The following C1QTNF3 variants were observed in gnomAD, a reference collection of about 807,000 sequenced individuals.
C1QTNF3 encodes the protein C1q and TNF related 3.
In C1QTNF3, 26 loss-of-function variants were observed where a neutral mutation model predicts 32.6. The ratio of observed to expected loss-of-function variants is 0.80; its 90% CI spans 0.58 to 1.11. The LOEUF is 1.11. Ranked by LOEUF, C1QTNF3 falls within the 50% of genes least tolerant of loss-of-function variation. C1QTNF3 has a pLI of 0.00. For missense variants in C1QTNF3, 362 were observed against 398.2 expected, an observed-to-expected ratio of 0.91 and a Z score of 0.77; for synonymous variants, 155 against 146.0, an observed-to-expected ratio of 1.06 and a Z score of -0.44.
chr5:34,075,469 G>T, the C1QTNF3 span, among the ~76,000 whole-genome samples: 1 of 151,694 alleles, frequency 6.6e-6, no homozygotes, highest in African/African-American at 2.4e-5. Context: ...GAAAGAAAAA[G>T]AATAGAGATG....
chr5:34,127,924 T>A, the C1QTNF3 span, among the ~76,000 whole-genome samples: 7 of 152,036 alleles, frequency 4.6e-5, no homozygotes. Context: ...GCTGGCTGCA[T>A]AAATTTGCAT....
At chr5:34,097,145 T>A in the C1QTNF3 span, among the ~76,000 whole-genome samples, 1 of 151,954 alleles carries the variant, frequency 6.6e-6, no homozygotes, top group Admixed American at 6.6e-5. Flanking sequence ...GAAGTTTTGA[T>A]CATCTGGTTT....
the C1QTNF3 span, among the ~76,000 whole-genome samples, chr5:34,223,349 T>C: frequency 6.6e-6 from 1 of 150,748 alleles, no homozygotes; most frequent in Non-Finnish European, 1.5e-5. Flanking sequence ...GGACATGAAC[T>C]CATCATTTTT....
At chr5:34,058,690 G>C in the C1QTNF3 span, among the ~76,000 whole-genome samples, 1 of 152,020 alleles carries the variant, frequency 6.6e-6, no homozygotes, top group Admixed American at 6.6e-5. Flanking sequence ...TCTAGGAGTG[G>C]GTCAGGTCAC....
chr5:34,220,919 C>T, the C1QTNF3 span, among the ~76,000 whole-genome samples: 1 of 152,052 alleles, frequency 6.6e-6, no homozygotes, highest in African/African-American at 2.4e-5. Context: ...TACCTCATCT[C>T]CATTCATGTT....
At chr5:34,132,149 G>A in the C1QTNF3 span, among the ~76,000 whole-genome samples, 1 of 152,100 alleles carries the variant, frequency 6.6e-6, no homozygotes, top group Admixed American at 6.6e-5. Flanking sequence ...CACTTTGGGA[G>A]GCTGAGGTGG....
At chr5:34,145,438 G>T in the C1QTNF3 span, among the ~76,000 whole-genome samples, 2 of 151,440 alleles carry the variant, frequency 1.3e-5, no homozygotes, top group African/African-American at 2.4e-5. Flanking sequence ...ATTGAACTAG[G>T]AAAAAAATAA....
chr5:34,067,930 G>A, the C1QTNF3 span, among the ~76,000 whole-genome samples: 63 of 151,982 alleles, frequency 4.1e-4, no homozygotes, highest in African/African-American at 1.4e-3. Flanking sequence ...AACTAAAATC[G>A]TTCCTTATCT....
the C1QTNF3 span, among the ~76,000 whole-genome samples, chr5:34,230,383 C>T: frequency 6.6e-5 from 10 of 152,076 alleles, no homozygotes; most frequent in Non-Finnish European, 1.2e-4. Context: ...ATTTTTATAA[C>T]AGCCACAGGA....
At chr5:34,145,911 T>C in the C1QTNF3 span, among the ~76,000 whole-genome samples, 1 of 152,258 alleles carries the variant, frequency 6.6e-6, no homozygotes, top group African/African-American at 2.4e-5. Context: ...AACCATATGA[T>C]TATTTCAACA....
the C1QTNF3 span, among the ~76,000 whole-genome samples, chr5:34,053,332 A>T: frequency 6.6e-6 from 1 of 152,206 alleles, no homozygotes; most frequent in African/African-American, 2.4e-5. Flanking sequence ...TGGCATCCCA[A>T]ATACATTTCT....
the C1QTNF3 span, among the ~76,000 whole-genome samples, chr5:34,136,529 G>C: frequency 6.6e-6 from 1 of 152,212 alleles, no homozygotes; most frequent in African/African-American, 2.4e-5. Context: ...TGGAGAAATA[G>C]GAACAATTTT....
intron 5 of C1QTNF3, among the ~76,000 whole-genome samples, chr5:34,022,020 C>T (rs754085526): frequency 6.6e-6 from 1 of 152,110 alleles, no homozygotes; most frequent in Non-Finnish European, 1.5e-5. Flanking sequence ...CTGCCCAAAT[C>T]GATTGCTTTA....
chr5:34,036,908 C>T (rs1250499714), intron 1 of C1QTNF3, among the ~76,000 whole-genome samples: 1 of 151,944 alleles, frequency 6.6e-6, no homozygotes, highest in Non-Finnish European at 1.5e-5. Context: ...GCTGAGATAG[C>T]ACCATTGTAC....
chr5:34,036,641 A>G (rs1754746883), intron 1 of C1QTNF3, among the ~76,000 whole-genome samples: 1 of 152,184 alleles, frequency 6.6e-6, no homozygotes, highest in Non-Finnish European at 1.5e-5. Flanking sequence ...TCTATTTCAC[A>G]CATTCCACTT....
At chr5:34,170,752 T>A in the C1QTNF3 span, among the ~76,000 whole-genome samples, 1 of 152,192 alleles carries the variant, frequency 6.6e-6, no homozygotes. Context: ...TTAAATTCAG[T>A]ACACAAGAAT....
chr5:34,212,023 C>T, the C1QTNF3 span, among the ~76,000 whole-genome samples: 1 of 151,860 alleles, frequency 6.6e-6, no homozygotes, highest in East Asian at 1.9e-4. Context: ...GCTACAGTAA[C>T]CAAAACAGCA....
chr5:34,028,862 C>T lies in C1QTNF3; in HGVS notation c.592G>A (p.Ala198Thr). The T allele has an allele frequency of 1.2e-6, 2 of 1,610,692 alleles. No homozygotes were observed. Among genetic ancestry groups the T allele is most frequent in the Non-Finnish European group, 1.7e-6 (2 of 1,178,144 alleles). ...ELQIAFMASL[A>T]THFSNQNSGI... is the part of the protein sequence containing the mutation. ...CTGTTCTGATTGCTGAAGTGGGTTG[C>T]CAGAGAAGCCATGAATGCAATCTAA... Residue 198 changes from alanine to threonine, a missense_variant, in exon 4 of 6, where the codon GCA (alanine) becomes ACA (threonine). By Grantham distance (58) the Ala-to-Thr change is moderately conservative (BLOSUM62 0). Coordinates refer to ENST00000382065, the MANE Select transcript of C1QTNF3 (RefSeq NM_181435.6).
the C1QTNF3 span, among the ~76,000 whole-genome samples, chr5:34,089,496 G>A: frequency 3.0e-4 from 46 of 152,310 alleles, no homozygotes; most frequent in Non-Finnish European, 4.9e-4. Context: ...CATGGGTTGT[G>A]AAGACACAGC....
Sources: gnomAD v4.1 joint callset for allele counts (sites outside exome capture counted in the v4.1 genomes callset) on GRCh38, gnomAD v4.1.1 for gene constraint, MANE v1.5 for transcripts, NCBI Gene and HGNC (gene_info 2026-07-23, HGNC 2026-07-21) for gene names.